PLB1: variants seen among roughly 807,000 people sequenced by gnomAD.
The protein encoded by PLB1 is phospholipase B1, membrane-associated.
In PLB1, 242 loss-of-function variants were observed where a neutral mutation model predicts 227.4. The observed-to-expected ratio is 1.06, with a 90% CI of 0.96 to 1.18. The LOEUF (loss-of-function observed/expected upper bound fraction) is 1.18, where lower values mean the gene tolerates loss of function less well. Among genes scored for constraint, PLB1 ranks in the 50% most tolerant of loss-of-function variants. PLB1 has a pLI of 0.00. For synonymous variants in PLB1, 757 were observed against 682.2 expected, an observed-to-expected ratio of 1.11 and a Z score of -1.71; for missense variants, 1,858 against 1,816.3, an observed-to-expected ratio of 1.02 and a Z score of -0.42.
In PLB1 at chr2:28,578,178, A is replaced by G. The variant is rs776965613; in HGVS notation, c.1485+20A>G. 1 of 1,612,382 alleles carries G rather than the reference A, an allele frequency of 6.2e-7. No individual in the cohort carries two copies. The highest frequency in any genetic ancestry group is 1.1e-5 in the South Asian group (1 of 90,968). ...GACACGGTGGGTCCCTGGGATGGGA[A>G]GTAGGCAGGAAAAATCCCTGGACAC... On this transcript the variant is annotated intron_variant, in intron 22 of 57. Coordinates refer to ENST00000327757, the MANE Select transcript of PLB1 (RefSeq NM_153021.5).
rs1012045257 is a variant in PLB1 at position 28,628,925 on chromosome 2, G to A, written c.3727-169G>A. On this transcript the variant is annotated intron_variant, in intron 52 of 57. Coordinates refer to ENST00000327757, the MANE Select transcript of PLB1 (RefSeq NM_153021.5). ...GTCTCAGTTTCTCAACCTATAAAGC[G>A]GGGCCACTCAAGAAGATTCAGTGAG... is the stretch of plus-strand genomic sequence containing the variant. Among the ~76,000 whole-genome samples the A allele has an allele frequency of 5.3e-5, 8 of 152,274 alleles. No individual in the cohort carries two copies. The South Asian group carries it at 6.2e-4, about 12-fold the overall frequency.
intron 57 of PLB1, among the ~76,000 whole-genome samples, chr2:28,641,332 G>T (rs189993555): frequency 6.6e-6 from 1 of 152,352 alleles, no homozygotes; most frequent in African/African-American, 2.4e-5. Context: ...CCAAGGCCAG[G>T]CGTGGTGGCT....
chr2:28,546,040 T>C (rs1673206208), intron 14 of PLB1, among the ~76,000 whole-genome samples: 1 of 151,358 alleles, frequency 6.6e-6, no homozygotes, highest in Non-Finnish European at 1.5e-5. Flanking sequence ...AGGTGAGCAT[T>C]GAGGACCAGC....
intron 1 of PLB1, among the ~76,000 whole-genome samples, chr2:28,511,858 C>T (rs1668307763): frequency 6.8e-6 from 1 of 147,340 alleles, no homozygotes; most frequent in Admixed American, 6.9e-5. Context: ...GATCTTGGCT[C>T]ACTGCAATCT....
chr2:28,632,923 C>A (rs777749312), intron 55 of PLB1, 21 bp from the exon 56 acceptor site: 5 of 1,597,548 alleles, frequency 3.1e-6, no homozygotes, highest in East Asian at 2.2e-5. Context: ...AGGATGATAA[C>A]CTCCTTGCCG....
intron 23 of PLB1, 118 bp downstream of exon 23, chr2:28,579,825 T>G: frequency 1.2e-6 from 1 of 847,018 alleles, no homozygotes; most frequent in Non-Finnish European, 2.0e-6. Context: ...ATGGTTTGTC[T>G]TGGATCCAGC....
At chr2:28,603,639 A>G (rs1436290509) in intron 39 of PLB1, among the ~76,000 whole-genome samples, 6 of 152,224 alleles carry the variant, frequency 3.9e-5, no homozygotes, top group African/African-American at 1.2e-4. Flanking sequence ...TTTCTTTTTA[A>G]TTAAACACTA....
chr2:28,592,751 G>C (rs771166358), intron 32 of PLB1, 32 bp downstream of exon 32: 2 of 1,606,568 alleles, frequency 1.2e-6, no homozygotes, highest in Non-Finnish European at 1.7e-6. Context: ...GTGGTTTGGG[G>C]ATAACTAGGC....
At chr2:28,562,270 G>A (rs571196803) in intron 17 of PLB1, among the ~76,000 whole-genome samples, 25 of 152,022 alleles carry the variant, frequency 1.6e-4, no homozygotes, top group African/African-American at 3.9e-4. Context: ...TCGGCCGGGC[G>A]CGTTGGCTCT....
At chr2:28,516,561 C>T (rs1478264099) in intron 1 of PLB1, among the ~76,000 whole-genome samples, 2 of 152,172 alleles carry the variant, frequency 1.3e-5, no homozygotes, top group Non-Finnish European at 2.9e-5. Flanking sequence ...TTATTGCTGA[C>T]CCCTCCCAGA....
chr2:28,588,847 C>T (rs1047000372), intron 26 of PLB1, among the ~76,000 whole-genome samples: 8 of 152,116 alleles, frequency 5.3e-5, no homozygotes, highest in African/African-American at 1.4e-4. Context: ...CCACCCCTCA[C>T]GTCTTTAATC....
chr2:28,496,995 G>A (rs1666530454), intron 1 of PLB1, among the ~76,000 whole-genome samples: 1 of 152,208 alleles, frequency 6.6e-6, no homozygotes, highest in Non-Finnish European at 1.5e-5. Flanking sequence ...CTTCTCTGGG[G>A]CAAGTCAGTT....
intron 1 of PLB1, among the ~76,000 whole-genome samples, chr2:28,515,734 G>C (rs7355770): frequency 0.53 from 79,915 of 152,110 alleles, 23,902 homozygotes; most frequent in Middle Eastern, 0.69. Context: ...TGTTGTTTGG[G>C]GGTTCTTGTA....
chr2:28,534,333 C>G (rs1341967455), intron 9 of PLB1, among the ~76,000 whole-genome samples: 1 of 152,088 alleles, frequency 6.6e-6, no homozygotes, highest in Non-Finnish European at 1.5e-5. Flanking sequence ...TTCCTAGATA[C>G]AGTGATTTTC....
intron 55 of PLB1, 72 bp downstream of exon 55, chr2:28,632,212 C>A: frequency 5.0e-6 from 6 of 1,206,256 alleles, no homozygotes; most frequent in East Asian, 2.4e-5. Flanking sequence ...ATTTCCTTCT[C>A]TAAGTGGGCT....
intron 33 of PLB1, 193 bp downstream of exon 33, chr2:28,593,947 C>T (rs989457911): frequency 7.6e-5 from 47 of 619,202 alleles, no homozygotes; most frequent in Non-Finnish European, 8.3e-5. Flanking sequence ...TGTTGATAAT[C>T]TTTTTTTTTT....
chr2:28,629,200 C>T lies in PLB1; in HGVS notation c.3818+15C>T, dbSNP rs1202689130. 7 of 1,611,028 alleles carry T rather than the reference C, an allele frequency of 4.3e-6. No homozygotes were observed. The Admixed American group carries it at 1.0e-4, about 23-fold the overall frequency. On this transcript the variant is annotated intron_variant, in intron 53 of 57. Transcript: ENST00000327757. ...CTGGCAGCTCAGTAAGTGGACAGGT[C>T]ACCGTCCCAAGGCAAGGGCACCTGG...
intron 14 of PLB1, among the ~76,000 whole-genome samples, chr2:28,546,060 G>C (rs1673210823): frequency 1.4e-5 from 2 of 139,056 alleles, no homozygotes; most frequent in African/African-American, 5.3e-5. Context: ...CAAAGGAAAA[G>C]CTCCACCCAT....
chr2:28,563,700 G>A (rs1332087616), intron 18 of PLB1, among the ~76,000 whole-genome samples: 1 of 152,136 alleles, frequency 6.6e-6, no homozygotes, highest in Non-Finnish European at 1.5e-5. Context: ...ATGAAAAGCA[G>A]AATCAGGCCC....
Sources: allele counts gnomAD v4.1 joint callset (sites outside exome capture counted in the v4.1 genomes callset), GRCh38; gene constraint gnomAD v4.1.1; transcripts MANE v1.5; gene names NCBI Gene and HGNC (gene_info 2026-07-23, HGNC 2026-07-21).